Variants in FYB1 observed in about 807,000 individuals in gnomAD.
FYB1 encodes FYN-binding protein 1.
In FYB1, 41 loss-of-function variants were observed where a neutral mutation model predicts 94.1. The ratio of observed to expected loss-of-function variants is 0.44; its 90% CI spans 0.34 to 0.57. The LOEUF (loss-of-function observed/expected upper bound fraction) is 0.57, where lower values mean the gene tolerates loss of function less well. FYB1 is among the 20% of genes least tolerant of loss of function. The pLI, the probability that FYB1 is intolerant of heterozygous loss-of-function variation, is 0.02. For missense variants in FYB1, 1,050 were observed against 976.8 expected (o/e 1.07, Z -1.00); for synonymous variants, 367 against 353.2 (o/e 1.04, Z -0.44).
At chr5:39,192,791 A>G (rs983134796) in intron 2 of FYB1, among the ~76,000 whole-genome samples, 2 of 152,258 alleles carry the variant, frequency 1.3e-5, no homozygotes, top group African/African-American at 4.8e-5. Context: ...CTGAGCAGAA[A>G]GAATCTTGAA....
At chr5:39,139,668 AT>A (rs1278916597) in intron 4 of FYB1, 1 of 152,830 alleles carries the variant, frequency 6.5e-6, no homozygotes, top group Non-Finnish European at 1.5e-5. Context: ...GATTAAAAAA[AT>A]TTAATAAGAG....
At chr5:39,172,175 G>T (rs553619010) in intron 2 of FYB1, among the ~76,000 whole-genome samples, 1 of 152,312 alleles carries the variant, frequency 6.6e-6, no homozygotes, top group East Asian at 1.9e-4. Context: ...GCCGGGTGTG[G>T]TGGCTCATGC....
At position 39,125,427 on chromosome 5, in the gene FYB1, G is replaced by A. The variant is rs777214575; in HGVS notation, c.2045+571C>T. On this transcript the variant is annotated intron_variant, in intron 12 of 18. Coordinates refer to ENST00000512982, the MANE Select transcript of FYB1 (RefSeq NM_001465.6). ...GATTTTATTTGGACAAACTTAAGATGTTTAGAATACTTTTAGTATAGGAAA... is the reference window on the plus strand; with the variant it reads ...GATTTTATTTGGACAAACTTAAGATATTTAGAATACTTTTAGTATAGGAAA... Among the ~76,000 whole-genome samples, 23 of 152,228 alleles carry A rather than the reference G, an allele frequency of 1.5e-4. 1 individual carries two copies. In the Middle Eastern group the frequency reaches 0.014, roughly 90 times the overall value.
At chr5:39,118,177 T>C (rs1580306824) in intron 16 of FYB1, among the ~76,000 whole-genome samples, 3 of 152,194 alleles carry the variant, frequency 2.0e-5, no homozygotes, top group Non-Finnish European at 2.9e-5. Context: ...GTGCTGGGAT[T>C]ACAGGCATGA....
intron 1 of FYB1, among the ~76,000 whole-genome samples, chr5:39,261,184 G>A (rs1344233207): frequency 6.6e-6 from 1 of 151,874 alleles, no homozygotes; most frequent in Non-Finnish European, 1.5e-5. Context: ...TGGGGGATGG[G>A]GAGCGAGGGG....
intron 18 of FYB1, among the ~76,000 whole-genome samples, chr5:39,107,780 C>T (rs1738661987): frequency 6.6e-6 from 1 of 151,848 alleles, no homozygotes; most frequent in Non-Finnish European, 1.5e-5. Flanking sequence ...GAGCAAGACT[C>T]ATAAGTTTAA....
At chr5:39,148,493 G>A (rs1742973222) in intron 3 of FYB1, among the ~76,000 whole-genome samples, 2 of 136,424 alleles carry the variant, frequency 1.5e-5, no homozygotes, top group Admixed American at 8.4e-5. Context: ...AAAATCTTGC[G>A]GCCTTTTCTC....
Position 39,232,522 on chromosome 5 carries a change from A to C in FYB1, c.-27-29535T>G, listed in dbSNP as rs2098486. 8.3e-3 allele frequency among the ~76,000 whole-genome samples: 981 copies of C among 118,666 alleles called. 15 individuals are homozygous for C. The highest frequency in any genetic ancestry group is 0.056 in the African/African-American group (930 of 16,574). The allele number at this position is 118,666 out of a possible 152,430, so 77.8% of individuals were successfully genotyped here. ...GTGTGACATTTTAGCATAAACATTT[A>C]TTTTATTTATTTATTTATTTATTTA... On this transcript the variant is annotated intron_variant, in intron 1 of 1. Coordinates refer to the FYB1 transcript ENST00000510188.
chr5:39,138,025 T>C, intron 6 of FYB1: 1 of 359,556 alleles, frequency 2.8e-6, no homozygotes, highest in Non-Finnish European at 5.1e-6. Flanking sequence ...CCATCTCTTT[T>C]TCTCTCTTTC....
At chr5:39,149,883 T>C (rs1432700580) in intron 3 of FYB1, among the ~76,000 whole-genome samples, 1 of 152,184 alleles carries the variant, frequency 6.6e-6, no homozygotes, top group East Asian at 1.9e-4. Context: ...CTTCTCTGTT[T>C]ACACTCCCTT....
chr5:39,231,636 CAGG>C (rs1175312181), intron 1 of FYB1, among the ~76,000 whole-genome samples: 1 of 152,024 alleles, frequency 6.6e-6, no homozygotes, highest in Non-Finnish European at 1.5e-5. Context: ...GCTGAGAGAC[CAGG>C]AGATTAGTGC....
chr5:39,137,262 T>G (rs1741747600), intron 7 of FYB1: 1 of 224,026 alleles, frequency 4.5e-6, no homozygotes, highest in Non-Finnish European at 8.8e-6. Flanking sequence ...TATTTATGTG[T>G]GTGATGCTAA....
chr5:39,167,690 T>TC (rs1561203442), intron 2 of FYB1, among the ~76,000 whole-genome samples: 1 of 152,000 alleles, frequency 6.6e-6, no homozygotes. Flanking sequence ...AGGGCAGTGG[T>TC]GGGGGGAAGT....
At chr5:39,131,031 A>G (rs1481854274) in intron 9 of FYB1, among the ~76,000 whole-genome samples, 5 of 152,112 alleles carry the variant, frequency 3.3e-5, no homozygotes, top group Non-Finnish European at 4.4e-5. Context: ...ATATCTTTTG[A>G]CCACAGCATT....
rs371436794 is a variant in FYB1, at chr5:39,107,436, T to C, written c.*7A>G. ...AATGAACACAGCAGAATGACCAAAG[T>C]TGAGTGCTAGTCATTGTCATAGATG... On this transcript the variant is annotated 3_prime_UTR_variant, in exon 19 of 19. Coordinates refer to ENST00000512982, the MANE Select transcript of FYB1 (RefSeq NM_001465.6). 2 of 1,530,094 alleles carry C rather than the reference T, an allele frequency of 1.3e-6. No individual in the cohort carries two copies. Among genetic ancestry groups the C allele is most frequent in the South Asian group, 1.3e-5 (1 of 78,030 alleles). The allele number at this position is 1,530,094 out of a possible 1,614,324, so 94.8% of individuals were successfully genotyped here. A position where few individuals can be genotyped will look rare whatever the true frequency, so the allele number is the denominator to read the frequency against.
At chr5:39,110,625 C>A (rs1014982349) in intron 16 of FYB1, 10 of 411,990 alleles carry the variant, frequency 2.4e-5, no homozygotes, top group South Asian at 4.3e-5. Context: ...CAATTTCAAC[C>A]TTTCCTCCTT....
chr5:39,184,616 C>T (rs556945922), intron 2 of FYB1, among the ~76,000 whole-genome samples: 209 of 152,202 alleles, frequency 1.4e-3, no homozygotes, highest in Non-Finnish European at 2.5e-3. Context: ...GCAGAATATG[C>T]TATTGAATAT....
chr5:39,114,294 T>C (rs1185569799), intron 16 of FYB1, among the ~76,000 whole-genome samples: 1 of 152,098 alleles, frequency 6.6e-6, no homozygotes, highest in Non-Finnish European at 1.5e-5. Context: ...ACTCTAAACA[T>C]TTGGAAATGT....
chr5:39,197,440 G>C (rs1045907373), intron 2 of FYB1, among the ~76,000 whole-genome samples: 7 of 152,142 alleles, frequency 4.6e-5, no homozygotes, highest in African/African-American at 1.7e-4. Context: ...TGGAGTTCAT[G>C]TAAAAACTCC....
Sources: allele counts gnomAD v4.1 joint callset (sites outside exome capture counted in the v4.1 genomes callset), GRCh38; gene constraint gnomAD v4.1.1; transcripts MANE v1.5; gene names NCBI Gene and HGNC (gene_info 2026-07-23, HGNC 2026-07-21).